PDE4D: variants seen among roughly 807,000 people sequenced by gnomAD.
PDE4D encodes phosphodiesterase 4D, also known as 3',5'-cyclic-AMP phosphodiesterase 4D.
A neutral mutation model predicts 87.4 loss-of-function variants in PDE4D; 24 were observed. That is an observed-to-expected ratio of 0.27 (90% confidence interval 0.20 to 0.39). PDE4D has a LOEUF of 0.39. Among genes scored for constraint, PDE4D ranks in the 10% least tolerant of loss-of-function variants. PDE4D has a pLI of 1.00. For synonymous variants in PDE4D, 384 were observed against 383.2 expected (o/e 1.00, Z -0.02); for missense variants, 714 against 1,041.0 (o/e 0.69, Z 4.32).
chr5:60,180,920 C>G (rs747021345), intron 2 of PDE4D, among the ~76,000 whole-genome samples: 3 of 152,120 alleles, frequency 2.0e-5, no homozygotes, highest in Non-Finnish European at 2.9e-5. Context: ...TATTAGGATT[C>G]TAAGCTGCAA....
intron 1 of PDE4D, among the ~76,000 whole-genome samples, chr5:59,566,800 T>G (rs183773264): frequency 6.6e-6 from 1 of 152,184 alleles, no homozygotes; most frequent in Admixed American, 6.5e-5. Context: ...CTAAAAAGGA[T>G]GCCAACTTAA....
chr5:59,938,836 A>G (rs1027351286), intron 3 of PDE4D, among the ~76,000 whole-genome samples: 1 of 152,242 alleles, frequency 6.6e-6, no homozygotes, highest in Non-Finnish European at 1.5e-5. Flanking sequence ...AACTTTAATC[A>G]CATACAGCTC....
At chr5:60,062,270 C>T (rs1321937459) in intron 2 of PDE4D, among the ~76,000 whole-genome samples, 1 of 151,970 alleles carries the variant, frequency 6.6e-6, no homozygotes, top group Non-Finnish European at 1.5e-5. Flanking sequence ...AGACACTTCT[C>T]AAAAGAAGAC....
intron 1 of PDE4D, among the ~76,000 whole-genome samples, chr5:59,379,639 T>C (rs1785385356): frequency 6.6e-6 from 1 of 152,134 alleles, no homozygotes; most frequent in African/African-American, 2.4e-5. Context: ...CAAGATTCTA[T>C]TGGCTGGGTC....
intron 1 of PDE4D, among the ~76,000 whole-genome samples, chr5:59,402,713 T>G (rs1790885960): frequency 6.6e-6 from 1 of 152,216 alleles, no homozygotes. Context: ...CCAAATTGTA[T>G]GCACAGGGCT....
intron 1 of PDE4D, among the ~76,000 whole-genome samples, chr5:60,305,038 TACACACACAC>T (rs35539982): frequency 2.2e-4 from 30 of 135,846 alleles, no homozygotes; most frequent in African/African-American, 6.7e-4. Context: ...TTTTGAGCTA[TACACACACAC>T]ACACACACAC....
At chr5:60,072,995 C>T (rs1175769166) in intron 2 of PDE4D, among the ~76,000 whole-genome samples, 1 of 151,836 alleles carries the variant, frequency 6.6e-6, no homozygotes, top group Non-Finnish European at 1.5e-5. Flanking sequence ...TATTGCCTTG[C>T]TGTTTATTTC....
intron 1 of PDE4D, among the ~76,000 whole-genome samples, chr5:59,503,673 T>A (rs745416030): frequency 9.9e-5 from 15 of 152,176 alleles, no homozygotes; most frequent in Non-Finnish European, 2.1e-4. Flanking sequence ...ATTTTCAAGT[T>A]TGGTTTCATC....
intron 1 of PDE4D, among the ~76,000 whole-genome samples, chr5:59,739,364 G>T (rs764245726): frequency 6.6e-6 from 1 of 152,152 alleles, no homozygotes. Flanking sequence ...AGGTTGCAAT[G>T]AGCCAAGATT....
intron 2 of PDE4D, among the ~76,000 whole-genome samples, chr5:60,109,014 T>A (rs1350734613): frequency 6.6e-6 from 1 of 151,930 alleles, no homozygotes; most frequent in Non-Finnish European, 1.5e-5. Flanking sequence ...ACAAATAGGA[T>A]CTAATTAAAC....
chr5:60,249,271 C>T (rs4270654), intron 1 of PDE4D, among the ~76,000 whole-genome samples: 12,421 of 151,954 alleles, frequency 0.082, 522 homozygotes, highest in Non-Finnish European at 0.097. Context: ...CCTCTCATGC[C>T]CACACAGGGC....
chr5:59,656,153 C>T (rs1344034229), intron 1 of PDE4D, among the ~76,000 whole-genome samples: 2 of 152,222 alleles, frequency 1.3e-5, no homozygotes, highest in African/African-American at 2.4e-5. Flanking sequence ...CACACACATC[C>T]CACATACAGA....
chr5:60,075,733 C>T (rs1301727847), intron 2 of PDE4D, among the ~76,000 whole-genome samples: 1 of 151,964 alleles, frequency 6.6e-6, no homozygotes, highest in African/African-American at 2.4e-5. Context: ...TTATTCTTGT[C>T]TGACTATTTT....
intron 2 of PDE4D, among the ~76,000 whole-genome samples, chr5:60,038,220 A>G (rs1768036646): frequency 6.6e-6 from 1 of 152,158 alleles, no homozygotes; most frequent in Non-Finnish European, 1.5e-5. Context: ...CCTGAATGGT[A>G]ATGTCTAGGT....
chr5:60,213,174 C>T (rs986874655), intron 1 of PDE4D, among the ~76,000 whole-genome samples: 2 of 152,122 alleles, frequency 1.3e-5, no homozygotes, highest in African/African-American at 4.8e-5. Flanking sequence ...GACTACTTTG[C>T]GATAAGAGTT....
At chr5:59,521,635 T>A (rs113737712) in intron 1 of PDE4D, among the ~76,000 whole-genome samples, 13 of 151,794 alleles carry the variant, frequency 8.6e-5, no homozygotes, top group African/African-American at 3.1e-4. Flanking sequence ...CAACCTCATT[T>A]CCTGACACTC....
chr5:60,080,643 G>C (rs915608011), intron 2 of PDE4D, among the ~76,000 whole-genome samples: 1 of 152,114 alleles, frequency 6.6e-6, no homozygotes. Context: ...ATAATCATGT[G>C]GTTCTTGTCT....
At chr5:60,519,223 C>A (rs1230856038) in intron 1 of PDE4D, among the ~76,000 whole-genome samples, 3 of 152,168 alleles carry the variant, frequency 2.0e-5, no homozygotes, top group African/African-American at 7.2e-5. Context: ...CGTATTAAAG[C>A]CCTGACCTAA....
intron 2 of PDE4D, among the ~76,000 whole-genome samples, chr5:60,084,000 G>C (rs373667196): frequency 1.3e-5 from 2 of 152,080 alleles, no homozygotes; most frequent in Non-Finnish European, 2.9e-5. Context: ...TGTAAATTGC[G>C]AACTGAGGCG....
Sources: gnomAD v4.1 joint callset for allele counts (sites outside exome capture counted in the v4.1 genomes callset) on GRCh38, gnomAD v4.1.1 for gene constraint, MANE v1.5 for transcripts, NCBI Gene and HGNC (gene_info 2026-07-23, HGNC 2026-07-21) for gene names.